CCDC47: variants seen among roughly 807,000 people sequenced by gnomAD.
The protein encoded by CCDC47 is PAT complex subunit CCDC47.
Under a neutral mutation model 60.5 loss-of-function variants are expected in CCDC47, and 41 were observed. The observed-to-expected ratio is 0.68, with a 90% CI of 0.53 to 0.88. CCDC47 has a LOEUF of 0.88. CCDC47 is among the 40% of genes least tolerant of loss of function. CCDC47 has a pLI of 0.00. For synonymous variants in CCDC47, 195 were observed against 190.7 expected (o/e 1.02, Z -0.18); for missense variants, 513 against 580.9 (o/e 0.88, Z 1.20).
chr17:63,757,801 T>C (rs1216598699), intron 6 of CCDC47, among the ~76,000 whole-genome samples: 2 of 152,196 alleles, frequency 1.3e-5, no homozygotes, highest in Non-Finnish European at 2.9e-5. Flanking sequence ...AACAAGAGTA[T>C]CTTTTGTTAC....
At chr17:63,749,315 G>A (rs1233684845) in intron 12 of CCDC47, among the ~76,000 whole-genome samples, 1 of 152,064 alleles carries the variant, frequency 6.6e-6, no homozygotes, top group Non-Finnish European at 1.5e-5. Flanking sequence ...AGAATCGCTT[G>A]AACCCAGGAG....
intron 12 of CCDC47, among the ~76,000 whole-genome samples, chr17:63,748,340 T>A (rs1269422370): frequency 6.6e-6 from 1 of 152,186 alleles, no homozygotes; most frequent in East Asian, 1.9e-4. Flanking sequence ...GTTGAACTCC[T>A]GACCTCAAGT....
chr17:63,761,610 T>C (rs1210227612), intron 4 of CCDC47: 1 of 241,494 alleles, frequency 4.1e-6, no homozygotes, highest in African/African-American at 2.3e-5. Context: ...GGCAGGAGAA[T>C]AGCTTGAACC....
At position 63,760,947 on chromosome 17, in the gene CCDC47, C is replaced by T. The variant is rs758271757; in HGVS notation, c.702G>A (p.Leu234=). ...CACTCACTGGCCTCATCATCCGGGC[C>T]AGGACATTCAGTAAGTCTTGTCTCT... ...FLKRQDLLNV[L]ARMMRPVSDQ... Residue 234 remains leucine (L), a synonymous_variant, in exon 6 of 13, where the codon CTG becomes CTA. Transcript: ENST00000225726. The T allele has an allele frequency of 5.0e-6, 8 of 1,613,552 alleles. No individual in the cohort carries two copies. In the South Asian group the frequency reaches 8.8e-5, roughly 18 times the overall value.
intron 8 of CCDC47, chr17:63,755,527 G>C (rs2144479066): frequency 6.7e-6 from 1 of 150,372 alleles, no homozygotes; most frequent in African/African-American, 2.4e-5. Context: ...TTCTTTTCGA[G>C]CAGCTAAAAA....
chr17:63,749,510 T>C (rs974703154), intron 12 of CCDC47, among the ~76,000 whole-genome samples: 2 of 150,202 alleles, frequency 1.3e-5, no homozygotes, highest in Admixed American at 6.6e-5. Flanking sequence ...TCCCAGCACT[T>C]TGGGAGGCTG....
chr17:63,752,169 C>T (rs1216437834), intron 11 of CCDC47, 62 bp from the exon 12 acceptor site: 9 of 1,573,412 alleles, frequency 5.7e-6, no homozygotes, highest in African/African-American at 1.4e-5. Context: ...AACAAAATCC[C>T]GTTTAGCATT....
At chr17:63,754,960 G>A (rs1395878575) in intron 8 of CCDC47, among the ~76,000 whole-genome samples, 3 of 151,250 alleles carry the variant, frequency 2.0e-5, no homozygotes, top group Non-Finnish European at 4.4e-5. Flanking sequence ...TAAGACCAAA[G>A]CGTGTTCATT....
chr17:63,754,974 T>TTTTA (rs112311424), intron 8 of CCDC47, among the ~76,000 whole-genome samples: 2,479 of 152,216 alleles, frequency 0.016, 69 homozygotes, highest in African/African-American at 0.055. Context: ...GTTCATTGCT[T>TTTTA]TTTATTTATT....
chr17:63,761,520 A>G, intron 4 of CCDC47, 169 bp from the exon 5 acceptor site: 1 of 406,116 alleles, frequency 2.5e-6, no homozygotes, highest in Non-Finnish European at 4.2e-6. Flanking sequence ...TCCCTACTAA[A>G]AAAAAAAAAA....
chr17:63,752,181 T>C (rs1335489039), intron 11 of CCDC47, 74 bp from the exon 12 acceptor site: 2 of 1,562,922 alleles, frequency 1.3e-6, no homozygotes, highest in African/African-American at 2.7e-5. Context: ...TTTAGCATTC[T>C]TTCATAAAAC....
intron 8 of CCDC47, 71 bp downstream of exon 8, chr17:63,756,169 A>G: frequency 1.0e-6 from 1 of 990,396 alleles, no homozygotes. Flanking sequence ...GAACTTGTAC[A>G]ATGAGACTTT....
rs1568249012 is a variant in CCDC47, at chr17:63,759,505, AAAAATATATATATATATATATTTAT to A, written c.735+1384_735+1408del. ...TTCTGTCTCCCAAAAAAAAAAAAAA[AAAAATATATATATATATATATTTAT>A]ATATATATATATATATATATATATA... On this transcript the variant is annotated intron_variant, in intron 6 of 12. Transcript: ENST00000225726. 5.0e-4 allele frequency among the ~76,000 whole-genome samples: 12 copies of A among 24,058 alleles called. 1 individual carries two copies. The African/African-American group carries it at 5.5e-3, about 11-fold the overall frequency. 15.8% of individuals were successfully genotyped at this position (24,058 alleles called of 152,430 possible).
At position 63,761,379 on chromosome 17, in the gene CCDC47, C is replaced by G. The variant is rs752172848; in HGVS notation, c.548-28G>C. ...AGGGGTAAAACCACTTAATGTGACT[C>G]AACAGAAAATGTCAAGGCCGGGCCG... is the stretch of plus-strand genomic sequence containing the variant. On this transcript the variant is annotated intron_variant, in intron 4 of 12. Coordinates refer to ENST00000225726, the MANE Select transcript of CCDC47 (RefSeq NM_020198.3). 32 of 1,612,888 alleles carry G rather than the reference C, an allele frequency of 2.0e-5. No homozygotes were observed. The East Asian group carries it at 5.4e-4, about 27-fold the overall frequency.
chr17:63,764,102 A>G lies in CCDC47; in HGVS notation c.461T>C (p.Ile154Thr), dbSNP rs1209360076. 6.2e-7 allele frequency: 1 copy of G among 1,612,890 alleles called. No homozygotes were observed. The highest frequency in any genetic ancestry group is 1.3e-5 in the African/African-American group (1 of 74,976). ...GCGACTGTTTTTATTCTTCCCAATGATGTAATTCATGATATAAGCAAGCAG... is the reference window on the plus strand; with the variant it reads ...GCGACTGTTTTTATTCTTCCCAATGGTGTAATTCATGATATAAGCAAGCAG... ...TGLLAYIMNY[I>T]IGKNKNSRLA... The change falls in exon 4 of 13, where the codon ATC becomes ACC. Residue 154 changes from isoleucine (I) to threonine (T), a missense_variant. Physicochemically the swap from Ile to Thr is moderately conservative, Grantham distance 89. Coordinates refer to ENST00000225726, the MANE Select transcript of CCDC47 (RefSeq NM_020198.3).
Position 63,759,506 on chromosome 17 carries a change from AAAATATATATATATATATATTTATAT to A in CCDC47, c.735+1382_735+1407del, listed in dbSNP as rs2039233874. 1.2e-4 allele frequency among the ~76,000 whole-genome samples: 3 copies of A among 24,466 alleles called. 1 individual carries two copies. Among genetic ancestry groups the A allele is most frequent in the African/African-American group, 4.4e-4 (1 of 2,270 alleles). The allele number at this position is 24,466 out of a possible 152,430, so 16.1% of individuals were successfully genotyped here. On this transcript the variant is annotated intron_variant, in intron 6 of 12. Coordinates refer to ENST00000225726, the MANE Select transcript of CCDC47 (RefSeq NM_020198.3). Reference sequence around the variant, plus strand: ...TCTGTCTCCCAAAAAAAAAAAAAAAAAAATATATATATATATATATTTATATATATATATATATATATATATATATA... The same window carrying A: ...TCTGTCTCCCAAAAAAAAAAAAAAAAATATATATATATATATATATATATA...
At chr17:63,765,167 T>G (rs1217335783) in intron 2 of CCDC47, 1 of 153,860 alleles carries the variant, frequency 6.5e-6, no homozygotes, top group Non-Finnish European at 1.3e-5. Flanking sequence ...GAGGCAACTA[T>G]GTTAATTAGC....
intron 11 of CCDC47, 57 bp downstream of exon 11, chr17:63,752,263 C>G: frequency 2.1e-6 from 3 of 1,448,008 alleles, no homozygotes; most frequent in African/African-American, 1.4e-5. Context: ...CTGCCCTCCC[C>G]CTTGAGAAGA....
intron 10 of CCDC47, 69 bp downstream of exon 10, chr17:63,752,672 G>A: frequency 2.0e-6 from 3 of 1,472,490 alleles, no homozygotes; most frequent in African/African-American, 2.9e-5. Context: ...TCATTTAGGA[G>A]GAAACAATAC....
Sources: allele counts gnomAD v4.1 joint callset (sites outside exome capture counted in the v4.1 genomes callset), GRCh38; gene constraint gnomAD v4.1.1; transcripts MANE v1.5; gene names NCBI Gene and HGNC (gene_info 2026-07-23, HGNC 2026-07-21).